TBL1XR1: variants seen among roughly 807,000 people sequenced by gnomAD.
TBL1XR1 encodes F-box-like/WD repeat-containing protein TBL1XR1.
TBL1XR1 carries 5 observed loss-of-function variants against 66.9 expected under a neutral mutation model. That is an observed-to-expected ratio of 0.07 (90% CI 0.04 to 0.16). The LOEUF (loss-of-function observed/expected upper bound fraction) is 0.16, where lower values mean the gene tolerates loss of function less well. Among genes scored for constraint, TBL1XR1 ranks in the 10% least tolerant of loss-of-function variants. The pLI, the probability that TBL1XR1 is intolerant of heterozygous loss-of-function variation, is 1.00. For missense variants in TBL1XR1, 238 were observed against 623.2 expected (o/e 0.38, Z 6.58); for synonymous variants, 210 against 206.0 (o/e 1.02, Z -0.17).
intron 1 of TBL1XR1, among the ~76,000 whole-genome samples, chr3:177,167,007 A>G (rs773471069): frequency 6.6e-6 from 1 of 152,206 alleles, no homozygotes; most frequent in Non-Finnish European, 1.5e-5. Flanking sequence ...TATCTACCCA[A>G]CAAGTTTAAA....
chr3:177,170,065 T>G (rs1193252458), intron 1 of TBL1XR1, among the ~76,000 whole-genome samples: 1 of 152,206 alleles, frequency 6.6e-6, no homozygotes, highest in Non-Finnish European at 1.5e-5. Context: ...ACTATTCCAC[T>G]GTTCCACTGT....
At chr3:177,035,506 C>CG (rs1714654742) in intron 12 of TBL1XR1, among the ~76,000 whole-genome samples, 1 of 151,740 alleles carries the variant, frequency 6.6e-6, no homozygotes, top group African/African-American at 2.4e-5. Context: ...CTCCGTCCCC[C>CG]GGGTTCACGC....
chr3:177,055,085 G>A (rs1717624797), intron 3 of TBL1XR1, among the ~76,000 whole-genome samples: 1 of 152,010 alleles, frequency 6.6e-6, no homozygotes, highest in African/African-American at 2.4e-5. Flanking sequence ...ACTAAACAAA[G>A]GAAATAAATA....
At chr3:177,039,414 G>T (rs1425128436) in intron 10 of TBL1XR1, among the ~76,000 whole-genome samples, 1 of 152,080 alleles carries the variant, frequency 6.6e-6, no homozygotes, top group Non-Finnish European at 1.5e-5. Context: ...CTAACAAATG[G>T]AATACGGCAT....
chr3:177,028,650 A>G (rs548943514), intron 14 of TBL1XR1, among the ~76,000 whole-genome samples: 16 of 152,348 alleles, frequency 1.1e-4, no homozygotes, highest in African/African-American at 3.6e-4. Context: ...TTTATGGGTG[A>G]TAAAACTCAA....
At chr3:177,103,098 CTG>C (rs1318531516) in intron 1 of TBL1XR1, among the ~76,000 whole-genome samples, 1 of 152,154 alleles carries the variant, frequency 6.6e-6, no homozygotes, top group Non-Finnish European at 1.5e-5. Flanking sequence ...GCAGTAGACA[CTG>C]AATTACTGAA....
intron 14 of TBL1XR1, among the ~76,000 whole-genome samples, chr3:177,032,007 T>C (rs191957313): frequency 2.9e-4 from 44 of 152,200 alleles, no homozygotes; most frequent in African/African-American, 1.0e-3. Flanking sequence ...TAAAAAAAGA[T>C]TCCTAATGTC....
intron 1 of TBL1XR1, among the ~76,000 whole-genome samples, chr3:177,181,884 T>C (rs998298768): frequency 3.3e-5 from 5 of 150,084 alleles, no homozygotes; most frequent in Admixed American, 3.3e-4. Context: ...TACATAAATA[T>C]CAGGAAGAAG....
intron 1 of TBL1XR1, chr3:177,120,676 T>C (rs1665325508): frequency 6.6e-6 from 1 of 152,304 alleles, no homozygotes; most frequent in East Asian, 1.9e-4. Flanking sequence ...CTTTCCCAAA[T>C]TTACTTTTTT....
intron 2 of TBL1XR1, among the ~76,000 whole-genome samples, chr3:177,090,021 G>T (rs2108638587): frequency 6.6e-6 from 1 of 152,302 alleles, no homozygotes; most frequent in East Asian, 1.9e-4. Context: ...ACATAAGATG[G>T]CATAATGCTT....
At chr3:177,082,836 A>T (rs1323606263) in intron 2 of TBL1XR1, among the ~76,000 whole-genome samples, 3 of 143,302 alleles carry the variant, frequency 2.1e-5, no homozygotes, top group Non-Finnish European at 4.5e-5. Flanking sequence ...GCTCACTGCA[A>T]GCTCCACCTC....
intron 2 of TBL1XR1, among the ~76,000 whole-genome samples, chr3:177,089,359 G>A (rs1722544347): frequency 1.3e-5 from 2 of 152,190 alleles, no homozygotes; most frequent in African/African-American, 2.4e-5. Context: ...CCTGCCCTCC[G>A]CAAAGCCTAA....
chr3:177,141,692 C>T (rs565315059), intron 1 of TBL1XR1, among the ~76,000 whole-genome samples: 2 of 152,232 alleles, frequency 1.3e-5, no homozygotes, highest in Admixed American at 6.5e-5. Flanking sequence ...GTGTATGTAT[C>T]GCATATAAAA....
intron 2 of TBL1XR1, chr3:177,091,198 A>G (rs914861298): frequency 7.9e-5 from 12 of 152,170 alleles, no homozygotes; most frequent in African/African-American, 2.9e-4. Flanking sequence ...GTGGACAAAA[A>G]GAGAAAAATG....
At chr3:177,196,606 G>A (rs1222969697) in intron 1 of TBL1XR1, 4 of 150,724 alleles carry the variant, frequency 2.7e-5, no homozygotes, top group Admixed American at 6.6e-5. Flanking sequence ...GATTTCCATT[G>A]CCGCCCGAGG....
intron 1 of TBL1XR1, among the ~76,000 whole-genome samples, chr3:177,151,617 G>C (rs1166738888): frequency 6.6e-6 from 1 of 152,152 alleles, no homozygotes; most frequent in South Asian, 2.1e-4. Flanking sequence ...GGGACCACTG[G>C]TTTACACAAT....
At chr3:177,027,038 C>A (rs1713237163) in intron 14 of TBL1XR1, 1 of 152,178 alleles carries the variant, frequency 6.6e-6, no homozygotes, top group Admixed American at 6.6e-5. Flanking sequence ...TTGTTGTTAC[C>A]CAGGATGGAT....
chr3:177,134,983 G>GTGTGTGTGTC (rs1409283754), intron 1 of TBL1XR1, among the ~76,000 whole-genome samples: 2 of 145,486 alleles, frequency 1.4e-5, no homozygotes, highest in East Asian at 2.1e-4. Context: ...GTGTGTCTGT[G>GTGTGTGTGTC]TGTGTGTGTT....
intron 1 of TBL1XR1, among the ~76,000 whole-genome samples, chr3:177,113,203 T>A (rs1490295967): frequency 1.3e-5 from 2 of 150,306 alleles, no homozygotes; most frequent in Non-Finnish European, 3.0e-5. Flanking sequence ...TTTCACCATA[T>A]ACAAAAATTA....
Sources: gnomAD v4.1 joint callset for allele counts (sites outside exome capture counted in the v4.1 genomes callset) on GRCh38, gnomAD v4.1.1 for gene constraint, MANE v1.5 for transcripts, NCBI Gene and HGNC (gene_info 2026-07-23, HGNC 2026-07-21) for gene names.